HMCN1: variants seen among roughly 807,000 people sequenced by gnomAD.
The protein encoded by HMCN1 is hemicentin-1.
A neutral mutation model predicts 625.9 loss-of-function variants in HMCN1; 321 were observed. That is an observed-to-expected ratio of 0.51 (90% confidence interval 0.47 to 0.56). HMCN1 has a LOEUF of 0.56. Ranked by LOEUF, HMCN1 falls within the 20% of genes least tolerant of loss-of-function variation. The probability of loss-of-function intolerance (pLI) is 0.00; values close to 1 mark genes in which losing one functional copy is unlikely to be tolerated. For missense variants in HMCN1, 6,588 were observed against 6,887.3 expected (o/e 0.96, Z 1.54); for synonymous variants, 2,425 against 2,417.6 (o/e 1.00, Z -0.09).
At chr1:186,021,985 A>G (rs188755264) in intron 35 of HMCN1, among the ~76,000 whole-genome samples, 3 of 152,236 alleles carry the variant, frequency 2.0e-5, no homozygotes, top group Non-Finnish European at 4.4e-5. Context: ...AGTAGGTTCC[A>G]AAACCTAGAT....
At chr1:186,038,687 G>A (rs548495014) in intron 37 of HMCN1, 142 bp from the exon 38 acceptor site, 2 of 636,084 alleles carry the variant, frequency 3.1e-6, no homozygotes, top group Non-Finnish European at 2.8e-6. Context: ...AAAAATCAAA[G>A]CTAAAGAGAT....
At chr1:185,922,609 C>A in intron 7 of HMCN1, 110 bp downstream of exon 7, 1 of 1,036,222 alleles carries the variant, frequency 9.7e-7, no homozygotes, top group Non-Finnish European at 1.4e-6. Context: ...AATTGAGAAG[C>A]ATAGCTTTAA....
intron 15 of HMCN1, 76 bp downstream of exon 15, chr1:185,970,569 G>C: frequency 7.7e-7 from 1 of 1,290,840 alleles, no homozygotes; most frequent in Non-Finnish European, 1.1e-6. Context: ...ACCTTGAAAT[G>C]GTTTGGTAGA....
At chr1:186,010,545 G>A (rs560530054) in intron 30 of HMCN1, among the ~76,000 whole-genome samples, 1 of 152,250 alleles carries the variant, frequency 6.6e-6, no homozygotes, top group African/African-American at 2.4e-5. Context: ...GTTTGAACCT[G>A]TGTTCTTGGT....
intron 2 of HMCN1, among the ~76,000 whole-genome samples, chr1:185,857,505 T>G (rs1419304520): frequency 1.3e-5 from 2 of 151,926 alleles, no homozygotes; most frequent in Non-Finnish European, 2.9e-5. Flanking sequence ...TTCTGTGGTT[T>G]TAGGAAATAT....
intron 1 of HMCN1, among the ~76,000 whole-genome samples, chr1:185,781,748 G>A (rs147517828): frequency 1.2e-3 from 184 of 152,256 alleles, no homozygotes; most frequent in African/African-American, 3.9e-3. Flanking sequence ...TACATTTGCC[G>A]TATAGTGCTT....
Position 185,923,421 on chromosome 1 carries a change from T to C in HMCN1, c.1053T>C (p.Ser351=), listed in dbSNP as rs368438662. 7.4e-6 allele frequency: 12 copies of C among 1,611,146 alleles called. No homozygotes were observed. The highest frequency in any genetic ancestry group is 1.0e-5 in the Non-Finnish European group (12 of 1,177,938). Residue 351 remains serine (S), a synonymous_variant, in exon 8 of 107, where the codon TCT becomes TCC. Transcript: ENST00000271588. ...CTACCTATGTACTGCTCAATACTTC[T>C]GGAATTTCCACTCCAGCTAGAATAG... ...GIPTYVLLNT[S]GISTPARIDL... is the part of the protein sequence containing the mutation.
intron 31 of HMCN1, 149 bp from the exon 32 acceptor site, chr1:186,015,809 T>G (rs1435156981): frequency 2.8e-6 from 2 of 708,072 alleles, no homozygotes; most frequent in African/African-American, 3.6e-5. Context: ...AGAAATTCTT[T>G]CCTCAATAGC....
chr1:185,844,356 G>A (rs777009606), intron 1 of HMCN1, among the ~76,000 whole-genome samples: 1 of 152,118 alleles, frequency 6.6e-6, no homozygotes, highest in Non-Finnish European at 1.5e-5. Context: ...AATCTATAGT[G>A]AAGGATTGAG....
At chr1:185,946,542 T>G (rs1040269718) in intron 11 of HMCN1, among the ~76,000 whole-genome samples, 1 of 152,210 alleles carries the variant, frequency 6.6e-6, no homozygotes, top group Non-Finnish European at 1.5e-5. Context: ...GAAAATTCTG[T>G]GATTTTGGGA....
intron 4 of HMCN1, among the ~76,000 whole-genome samples, chr1:185,890,151 G>A (rs1664962454): frequency 6.6e-6 from 1 of 151,030 alleles, no homozygotes. Context: ...GGGATTGGTG[G>A]TGACATCCCC....
rs149151239 is a variant in HMCN1 at position 186,015,347 on chromosome 1, C to G, written c.4819C>G (p.Arg1607Gly). ...TAAAGGACAATATCTTCATATTCCT[C>G]GAGCACAGGTCTCTGATTCAGCAAC... ...IDKGQYLHIP[R>G]AQVSDSATYT... The change falls in exon 31 of 107, where the codon CGA becomes GGA. Residue 1607 changes from arginine (R) to glycine (G), a missense_variant. Transcript: ENST00000271588. 22 of 1,613,528 alleles carry G rather than the reference C, an allele frequency of 1.4e-5. No homozygotes were observed. The highest frequency in any genetic ancestry group is 1.6e-4 in the Middle Eastern group (1 of 6,084).
intron 1 of HMCN1, among the ~76,000 whole-genome samples, chr1:185,774,571 A>C (rs1290077709): frequency 1.3e-5 from 2 of 152,170 alleles, no homozygotes; most frequent in Non-Finnish European, 2.9e-5. Context: ...AAATAAATGA[A>C]TTGCTGAGCT....
At chr1:185,957,499 A>T (rs547367588) in intron 11 of HMCN1, among the ~76,000 whole-genome samples, 1 of 152,292 alleles carries the variant, frequency 6.6e-6, no homozygotes, top group Admixed American at 6.5e-5. Flanking sequence ...TGTTTATCTG[A>T]CAACAGAAAT....
At position 185,819,237 on chromosome 1, in the gene HMCN1, C is replaced by CAAAAAAAAAAAAAA. The variant is rs575598587; in HGVS notation, c.269-26788_269-26775dup. 1.1e-3 allele frequency among the ~76,000 whole-genome samples: 137 copies of CAAAAAAAAAAAAAA among 125,094 alleles called. 2 individuals are homozygous for CAAAAAAAAAAAAAA. Among genetic ancestry groups the CAAAAAAAAAAAAAA allele is most frequent in the Middle Eastern group, 4.6e-3 (1 of 218 alleles). 82.1% of individuals were successfully genotyped at this position (125,094 alleles called of 152,430 possible). On this transcript the variant is annotated intron_variant, in intron 1 of 106. Coordinates refer to ENST00000271588, the MANE Select transcript of HMCN1 (RefSeq NM_031935.3). ...GGGCAACAAGAGCGAATCTCCATCTCAAAAAAAAAAAAAAGGACCTGCTGC... is the reference window on the plus strand; with the variant it reads ...GGGCAACAAGAGCGAATCTCCATCTCAAAAAAAAAAAAAAAAAAAAAAAAAAAAGGACCTGCTGC...
At chr1:186,151,145 G>C in intron 93 of HMCN1, 55 bp from the exon 94 acceptor site, 3 of 1,579,428 alleles carry the variant, frequency 1.9e-6, no homozygotes, top group Non-Finnish European at 2.6e-6. Context: ...TTTCTCCCAT[G>C]TAATGTTGAT....
At chr1:186,021,714 C>A (rs1310768373) in intron 35 of HMCN1, among the ~76,000 whole-genome samples, 2 of 151,812 alleles carry the variant, frequency 1.3e-5, no homozygotes, top group Non-Finnish European at 2.9e-5. Context: ...ATGTGGTGAG[C>A]CTGGAGGGCT....
At chr1:186,130,318 C>A (rs1345914029) in intron 84 of HMCN1, among the ~76,000 whole-genome samples, 189 bp from the exon 85 acceptor site, 1 of 151,968 alleles carries the variant, frequency 6.6e-6, no homozygotes, top group African/African-American at 2.4e-5. Flanking sequence ...GGAATCATCC[C>A]CTTAGAATAT....
At chr1:186,063,335 A>T (rs1657876055) in intron 48 of HMCN1, among the ~76,000 whole-genome samples, 1 of 149,720 alleles carries the variant, frequency 6.7e-6, no homozygotes, top group Admixed American at 6.6e-5. Context: ...GTAGAAATGT[A>T]GGAGGAAACC....
Sources: allele counts gnomAD v4.1 joint callset (sites outside exome capture counted in the v4.1 genomes callset), GRCh38; gene constraint gnomAD v4.1.1; transcripts MANE v1.5; gene names NCBI Gene and HGNC (gene_info 2026-07-23, HGNC 2026-07-21).